The following TTC28 variants were observed in gnomAD, a reference collection of about 807,000 sequenced individuals.
TTC28 encodes the protein tetratricopeptide repeat domain 28, also known as tetratricopeptide repeat protein 28.
TTC28 carries 61 observed loss-of-function variants against 198.0 expected under a neutral mutation model. The observed-to-expected ratio is 0.31, with a 90% confidence interval of 0.25 to 0.38. The LOEUF is 0.38. TTC28 is among the 10% of genes least tolerant of loss of function. TTC28 has a pLI of 1.00. For synonymous variants in TTC28, 1,171 were observed against 1,297.8 expected (o/e 0.90, Z 2.10); for missense variants, 2,678 against 3,164.0 (o/e 0.85, Z 3.69).
intron 5 of TTC28, among the ~76,000 whole-genome samples, chr22:28,263,297 G>T (rs1001901340): frequency 1.3e-5 from 2 of 151,990 alleles, no homozygotes; most frequent in African/African-American, 4.8e-5. Context: ...CTTTACAGAG[G>T]AGTAAACAAA....
At chr22:28,678,410 T>C (rs111983983) in intron 1 of TTC28, among the ~76,000 whole-genome samples, 20,602 of 152,072 alleles carry the variant, frequency 0.14, 1,728 homozygotes, top group East Asian at 0.37. Flanking sequence ...AGTCTCGCTA[T>C]GTTTCCCACA....
At chr22:28,077,661 C>A (rs1941212668) in intron 12 of TTC28, among the ~76,000 whole-genome samples, 1 of 151,926 alleles carries the variant, frequency 6.6e-6, no homozygotes, top group Non-Finnish European at 1.5e-5. Context: ...CTAAATTAAC[C>A]AGTATTTTGA....
intron 13 of TTC28, among the ~76,000 whole-genome samples, chr22:28,022,478 A>G (rs965453065): frequency 2.0e-5 from 3 of 152,194 alleles, no homozygotes; most frequent in African/African-American, 7.2e-5. Context: ...CCTGGGGGGA[A>G]TCCTGCCTCT....
chr22:28,372,352 A>G (rs911260069), intron 2 of TTC28, among the ~76,000 whole-genome samples: 5 of 152,156 alleles, frequency 3.3e-5, no homozygotes, highest in Admixed American at 2.6e-4. Flanking sequence ...TATTTTTATT[A>G]AACAGCCACG....
In TTC28 at chr22:28,064,867, A is replaced by G. The variant is rs532396572; in HGVS notation, c.3932+29213T>C. On this transcript the variant is annotated intron_variant, in intron 12 of 22. Coordinates refer to ENST00000397906, the MANE Select transcript of TTC28 (RefSeq NM_001145418.2). ...GAAAATTAGGTGGTGAGAAAAAGAG[A>G]TGGGAGGGAGACTGTTCAGCATTTT... is the stretch of plus-strand genomic sequence containing the variant. 5.3e-5 allele frequency among the ~76,000 whole-genome samples: 8 copies of G among 152,280 alleles called. No individual in the cohort carries two copies. In the South Asian group the frequency reaches 1.7e-3, roughly 32 times the overall value.
intron 2 of TTC28, among the ~76,000 whole-genome samples, chr22:28,507,868 C>T (rs749686144): frequency 6.6e-6 from 1 of 152,138 alleles, no homozygotes; most frequent in African/African-American, 2.4e-5. Flanking sequence ...TGAGGGAATT[C>T]GTCACCACCA....
At chr22:28,124,720 C>T (rs1942874020) in intron 6 of TTC28, among the ~76,000 whole-genome samples, 1 of 152,182 alleles carries the variant, frequency 6.6e-6, no homozygotes, top group African/African-American at 2.4e-5. Context: ...TTTAGGGAGA[C>T]ACTATCTATG....
chr22:28,305,263 T>C (rs1046444474), intron 3 of TTC28, among the ~76,000 whole-genome samples: 3 of 152,062 alleles, frequency 2.0e-5, no homozygotes, highest in Admixed American at 6.6e-5. Context: ...AGTGCTGGGA[T>C]TACAGGCATA....
chr22:28,492,008 G>A (rs2146345572), intron 2 of TTC28, among the ~76,000 whole-genome samples: 1 of 151,406 alleles, frequency 6.6e-6, no homozygotes, highest in East Asian at 1.9e-4. Context: ...ACTATCGCAA[G>A]GACAAAAAAA....
chr22:28,235,236 T>C (rs996034869), intron 5 of TTC28, among the ~76,000 whole-genome samples: 34 of 152,280 alleles, frequency 2.2e-4, no homozygotes, highest in Admixed American at 1.8e-3. Flanking sequence ...TATTCTAAAA[T>C]AGGCAAGATG....
intron 12 of TTC28, among the ~76,000 whole-genome samples, chr22:28,037,512 G>A (rs1939413929): frequency 6.6e-6 from 1 of 152,148 alleles, no homozygotes; most frequent in African/African-American, 2.4e-5. Flanking sequence ...CTGATGGGAT[G>A]TATCTCAAAA....
In TTC28 at chr22:28,243,338, CAG is replaced by C. The variant is rs1929824551; in HGVS notation, c.933+52858_933+52859del. On this transcript the variant is annotated intron_variant, in intron 5 of 22. Coordinates refer to ENST00000397906, the MANE Select transcript of TTC28 (RefSeq NM_001145418.2). ...TGCCACTGCACTCCAGCTTGGGTGA[CAG>C]AGGGAGACCCCGTCTCAAAACAAAA... is the stretch of plus-strand genomic sequence containing the variant. Among the ~76,000 whole-genome samples the C allele has an allele frequency of 4.6e-5, 7 of 151,330 alleles. No homozygotes were observed. In the South Asian group the frequency reaches 1.5e-3, roughly 32 times the overall value.
intron 12 of TTC28, among the ~76,000 whole-genome samples, chr22:28,084,539 G>C (rs567206430): frequency 6.6e-6 from 1 of 152,154 alleles, no homozygotes; most frequent in Admixed American, 6.5e-5. Flanking sequence ...ACCAAAGGTA[G>C]ATGAAACCAC....
chr22:28,252,795 T>C (rs938576828), intron 5 of TTC28, among the ~76,000 whole-genome samples: 1 of 152,190 alleles, frequency 6.6e-6, no homozygotes, highest in Non-Finnish European at 1.5e-5. Context: ...GAGTTATTAA[T>C]TACATGGTTC....
intron 5 of TTC28, among the ~76,000 whole-genome samples, chr22:28,264,885 C>T (rs905839321): frequency 3.9e-5 from 6 of 152,070 alleles, no homozygotes; most frequent in African/African-American, 1.2e-4. Context: ...TAGAGACTTC[C>T]GAATGATTCC....
intron 2 of TTC28, among the ~76,000 whole-genome samples, chr22:28,332,044 G>A (rs760533885): frequency 3.9e-5 from 6 of 152,064 alleles, no homozygotes; most frequent in Non-Finnish European, 7.4e-5. Context: ...ACTTGCATAT[G>A]AGTCTTCTAC....
At chr22:28,036,994 C>G (rs1939384074) in intron 12 of TTC28, among the ~76,000 whole-genome samples, 1 of 151,078 alleles carries the variant, frequency 6.6e-6, no homozygotes, top group East Asian at 1.9e-4. Context: ...TCTGAATAGA[C>G]CAATAGGCTC....
intron 2 of TTC28, among the ~76,000 whole-genome samples, chr22:28,447,200 A>G: frequency 6.6e-6 from 1 of 152,180 alleles, no homozygotes; most frequent in East Asian, 1.9e-4. Context: ...AAAAGTTTTC[A>G]GAAAGGGAAG....
At chr22:28,080,635 C>T (rs953685933) in intron 12 of TTC28, among the ~76,000 whole-genome samples, 4 of 152,190 alleles carry the variant, frequency 2.6e-5, no homozygotes, top group African/African-American at 9.6e-5. Flanking sequence ...TCATAGGCTG[C>T]CTTTTCAAAA....
Sources: allele counts gnomAD v4.1 joint callset (sites outside exome capture counted in the v4.1 genomes callset), GRCh38; gene constraint gnomAD v4.1.1; transcripts MANE v1.5; gene names NCBI Gene and HGNC (gene_info 2026-07-23, HGNC 2026-07-21).